The following ACSBG2 variants were observed in gnomAD, a reference collection of about 807,000 sequenced individuals.
ACSBG2 encodes the protein acyl-CoA synthetase bubblegum family member 2.
Under a neutral mutation model 74.7 loss-of-function variants are expected in ACSBG2, and 62 were observed. The observed-to-expected ratio is 0.83, with a 90% CI of 0.68 to 1.03. ACSBG2 has a LOEUF of 1.03. Ranked by LOEUF, ACSBG2 falls within the 50% of genes least tolerant of loss-of-function variation. The pLI is 0.00. For missense variants in ACSBG2, 730 were observed against 817.6 expected, an observed-to-expected ratio of 0.89 and a Z score of 1.31; for synonymous variants, 309 against 294.1, an observed-to-expected ratio of 1.05 and a Z score of -0.52.
In ACSBG2 at chr19:6,177,344, T is replaced by A. The variant is rs2090114735; in HGVS notation, c.854T>A (p.Val285Glu). 1 of 1,612,270 alleles carries A rather than the reference T, an allele frequency of 6.2e-7. No individual in the cohort carries two copies. Among genetic ancestry groups the A allele is most frequent in the Admixed American group, 1.7e-5 (1 of 59,542 alleles). Residue 285 changes from valine to glutamate, a missense_variant, in exon 8 of 15, where the codon GTA (valine) becomes GAA (glutamate). Coordinates refer to ENST00000588485, the MANE Select transcript of ACSBG2 (RefSeq NM_030924.5). Reference protein sequence around the residue: ...HIAAQMMDIWVPIKIGALTYF... With the variant: ...HIAAQMMDIWEPIKIGALTYF... ...GCAGCACAGATGATGGACATCTGGG[T>A]ACCCATAAAGATTGGGGCGCTCACA...
Position 6,151,810 on chromosome 19 carries a change from T to G in ACSBG2, c.386+15T>G, listed in dbSNP as rs2089250250. 6.3e-7 allele frequency: 1 copy of G among 1,578,554 alleles called. No individual in the cohort carries two copies. Among genetic ancestry groups the G allele is most frequent in the African/African-American group, 1.3e-5 (1 of 74,594 alleles). ...ATCCTAGCCGGGTAAGGTCATTGGC[T>G]TGGTTCATGGTGAGGGTTAAGGAGC... On this transcript the variant is annotated intron_variant, in intron 4 of 14. Transcript: ENST00000588485.
At chr19:6,142,752 CAA>C (rs34759552) in intron 2 of ACSBG2, among the ~76,000 whole-genome samples, 8 of 115,880 alleles carry the variant, frequency 6.9e-5, no homozygotes, top group Non-Finnish European at 3.4e-5. Flanking sequence ...GACTCTGTCT[CAA>C]AAAAAAAAAA....
chr19:6,146,427 G>A (rs148805406), intron 2 of ACSBG2, among the ~76,000 whole-genome samples: 2,478 of 145,840 alleles, frequency 0.017, 73 homozygotes, highest in African/African-American at 0.06. Context: ...CCAAGATCAC[G>A]CCACTGCACT....
intron 4 of ACSBG2, 25 bp downstream of exon 4, chr19:6,151,820 G>T (rs2089250733): frequency 6.4e-7 from 1 of 1,570,952 alleles, no homozygotes; most frequent in Non-Finnish European, 8.6e-7. Context: ...TTGGTTCATG[G>T]TGAGGGTTAA....
At chr19:6,170,230 G>C (rs530526053) in intron 7 of ACSBG2, among the ~76,000 whole-genome samples, 93 of 152,250 alleles carry the variant, frequency 6.1e-4, no homozygotes, top group African/African-American at 2.1e-3. Context: ...GTCATAGACA[G>C]CTCTTATTAT....
rs764400524 is a variant in ACSBG2, at chr19:6,185,546, G to C, written c.1433G>C (p.Ser478Thr). ...GRHIFMGYLE[S>T]ETETTEAIDD... ...CACATCTTCATGGGCTATCTGGAAAGTGAGACTGAAACTACAGAGGCCATC... is the reference window on the plus strand; with the variant it reads ...CACATCTTCATGGGCTATCTGGAAACTGAGACTGAAACTACAGAGGCCATC... Residue 478 changes from serine to threonine, a missense_variant, in exon 11 of 15, where the codon AGT becomes ACT. Physicochemically the swap from Ser to Thr is moderately conservative, Grantham distance 58 (BLOSUM62 1). Coordinates refer to ENST00000588485, the MANE Select transcript of ACSBG2 (RefSeq NM_030924.5). 3.7e-6 allele frequency: 6 copies of C among 1,614,238 alleles called. No homozygotes were observed. The South Asian group carries it at 4.4e-5, about 12-fold the overall frequency.
At chr19:6,138,400 G>A (rs2088663919) in intron 1 of ACSBG2, among the ~76,000 whole-genome samples, 1 of 149,528 alleles carries the variant, frequency 6.7e-6, no homozygotes, top group Non-Finnish European at 1.5e-5. Context: ...CAGGCGGAGA[G>A]AGTGGATCCC....
At chr19:6,140,891 TAA>T (rs1332985875) in intron 1 of ACSBG2, among the ~76,000 whole-genome samples, 1 of 152,224 alleles carries the variant, frequency 6.6e-6, no homozygotes, top group Admixed American at 6.5e-5. Context: ...TACTTCTTTT[TAA>T]AAGTCATTTT....
At chr19:6,190,847 ACACACT>A (rs2090546402) in intron 14 of ACSBG2, 155 bp downstream of exon 14, 16 of 552,880 alleles carry the variant, frequency 2.9e-5, no homozygotes, top group Non-Finnish European at 4.2e-5. Flanking sequence ...ACACACACAC[ACACACT>A]CTTAGTTGCA....
At chr19:6,142,808 G>C (rs932047580) in intron 2 of ACSBG2, among the ~76,000 whole-genome samples, 8 of 151,482 alleles carry the variant, frequency 5.3e-5, no homozygotes, top group Non-Finnish European at 1.0e-4. Flanking sequence ...AAAAGTACTT[G>C]CATTGCAAAG....
intron 2 of ACSBG2, among the ~76,000 whole-genome samples, chr19:6,147,227 C>T (rs2089066038): frequency 6.6e-6 from 1 of 152,154 alleles, no homozygotes; most frequent in African/African-American, 2.4e-5. Flanking sequence ...ATTTGGTATA[C>T]AATCCTTTTG....
intron 13 of ACSBG2, among the ~76,000 whole-genome samples, chr19:6,188,109 T>C (rs1339619569): frequency 2.6e-5 from 4 of 152,222 alleles, no homozygotes; most frequent in Admixed American, 2.0e-4. Flanking sequence ...TTTCTTGATG[T>C]TCCTGCAGCT....
intron 11 of ACSBG2, 106 bp downstream of exon 11, chr19:6,185,759 C>A: frequency 8.6e-7 from 1 of 1,161,870 alleles, no homozygotes; most frequent in Non-Finnish European, 1.2e-6. Context: ...CCTCACCTTC[C>A]AAGAGGAGCT....
intron 7 of ACSBG2, among the ~76,000 whole-genome samples, chr19:6,173,160 C>G (rs2098303959): frequency 6.6e-6 from 1 of 152,140 alleles, no homozygotes; most frequent in Non-Finnish European, 1.5e-5. Flanking sequence ...TAGGGGTTAC[C>G]CATGCCAAGG....
At chr19:6,168,121 G>A (rs1374517574) in intron 7 of ACSBG2, among the ~76,000 whole-genome samples, 1 of 151,950 alleles carries the variant, frequency 6.6e-6, no homozygotes, top group Non-Finnish European at 1.5e-5. Context: ...AGGCCCACAA[G>A]GCACTGCAAG....
chr19:6,147,705 T>C (rs2089086783), intron 3 of ACSBG2, 30 bp downstream of exon 3: 2 of 1,592,294 alleles, frequency 1.3e-6, no homozygotes, highest in African/African-American at 1.3e-5. Context: ...TCTCCTTTGT[T>C]CAACCATTCA....
In ACSBG2 at chr19:6,187,606, T is replaced by C. The variant is rs370097629; in HGVS notation, c.1688T>C (p.Met563Thr). 2 of 1,613,912 alleles carry C rather than the reference T, an allele frequency of 1.2e-6. No individual in the cohort carries two copies. The highest frequency in any genetic ancestry group is 2.2e-5 in the South Asian group (2 of 91,062). The change falls in exon 13 of 15, where the codon ATG becomes ACG. Residue 563 changes from methionine (M) to threonine (T), a missense_variant. By Grantham distance (81) the Met-to-Thr change is moderately conservative. Coordinates refer to ENST00000588485, the MANE Select transcript of ACSBG2 (RefSeq NM_030924.5). ...AGAGGTGTCTGGGGGCAGTGTGAGA[T>C]GAATCAGATGAGCGGAGAACCTCTG... ...LSMLLTLKCE[M>T]NQMSGEPLDK...
chr19:6,156,475 G>A lies in ACSBG2; in HGVS notation c.431G>A (p.Cys144Tyr), dbSNP rs564324901. The A allele has an allele frequency of 3.3e-5, 53 of 1,595,360 alleles. No homozygotes were observed. In the South Asian group the frequency reaches 6.1e-4, roughly 18 times the overall value. The change falls in exon 5 of 15, where the codon TGT becomes TAT. Residue 144 changes from cysteine (C) to tyrosine (Y), a missense_variant. Transcript: ENST00000588485. ...GIYATNSAEV[C>Y]QYVITHAKVN... is the part of the protein sequence containing the mutation. ...TATGCCACCAACTCTGCCGAGGTTT[G>A]TCAATATGTCATCACTCATGCCAAA...
At chr19:6,185,775 G>C (rs1242106102) in intron 11 of ACSBG2, 122 bp downstream of exon 11, 1 of 985,128 alleles carries the variant, frequency 1.0e-6, no homozygotes, top group East Asian at 2.5e-5. Flanking sequence ...GAGCTGTGCA[G>C]AAACTCCTCA....
Sources: gnomAD v4.1 joint callset for allele counts (sites outside exome capture counted in the v4.1 genomes callset) on GRCh38, gnomAD v4.1.1 for gene constraint, MANE v1.5 for transcripts, NCBI Gene and HGNC (gene_info 2026-07-23, HGNC 2026-07-21) for gene names.